Variants in HPSE2 observed in about 807,000 individuals in gnomAD.
HPSE2 encodes the protein inactive heparanase-2.
Under a neutral mutation model 60.5 loss-of-function variants are expected in HPSE2, and 38 were observed. The ratio of observed to expected loss-of-function variants is 0.63; its 90% CI spans 0.48 to 0.82. The LOEUF is 0.82. Ranked by LOEUF, HPSE2 falls within the 40% of genes least tolerant of loss-of-function variation. The pLI is 0.00. For synonymous variants in HPSE2, 295 were observed against 293.2 expected (o/e 1.01, Z -0.06); for missense variants, 713 against 740.4 (o/e 0.96, Z 0.43).
intron 7 of HPSE2, among the ~76,000 whole-genome samples, chr10:98,633,372 G>C (rs932310638): frequency 7.9e-5 from 12 of 151,746 alleles, no homozygotes; most frequent in Non-Finnish European, 1.8e-4. Context: ...GCTAATGTTT[G>C]TTTTCTTTTT....
intron 3 of HPSE2, among the ~76,000 whole-genome samples, chr10:98,802,409 T>C (rs1950933132): frequency 6.6e-6 from 1 of 151,274 alleles, no homozygotes; most frequent in South Asian, 2.1e-4. Flanking sequence ...CATGCTGGTG[T>C]GCTGCACCCA....
intron 2 of HPSE2, among the ~76,000 whole-genome samples, chr10:99,172,024 C>CT (rs2133804678): frequency 6.6e-6 from 1 of 152,198 alleles, no homozygotes; most frequent in East Asian, 1.9e-4. Context: ...GGTATCATAA[C>CT]TTTTTATAAT....
intron 10 of HPSE2, among the ~76,000 whole-genome samples, chr10:98,485,396 C>T (rs193241839): frequency 6.6e-6 from 1 of 152,234 alleles, no homozygotes; most frequent in East Asian, 1.9e-4. Context: ...CTTTTGGATG[C>T]CTGCATTTGT....
chr10:99,246,793 C>A, the HPSE2 span, among the ~76,000 whole-genome samples: 3 of 152,054 alleles, frequency 2.0e-5, no homozygotes, highest in African/African-American at 4.8e-5. Context: ...TTACTTGATA[C>A]ATATGTAATT....
At chr10:99,109,807 A>T (rs1348359177) in intron 3 of HPSE2, among the ~76,000 whole-genome samples, 3 of 152,194 alleles carry the variant, frequency 2.0e-5, no homozygotes, top group African/African-American at 7.2e-5. Context: ...GAGTTATCAC[A>T]GATAACAATT....
At chr10:99,046,795 T>C (rs1957865712) in intron 3 of HPSE2, among the ~76,000 whole-genome samples, 1 of 151,810 alleles carries the variant, frequency 6.6e-6, no homozygotes, top group Admixed American at 6.6e-5. Flanking sequence ...TCCACAAGGA[T>C]AACTACAAAA....
intron 4 of HPSE2, 50 bp from the exon 5 acceptor site, chr10:98,721,878 C>G (rs764479544): frequency 2.3e-5 from 33 of 1,454,146 alleles, no homozygotes; most frequent in Non-Finnish European, 3.1e-5. Context: ...TAAGGTTCTG[C>G]CAACACTTTC....
intron 3 of HPSE2, among the ~76,000 whole-genome samples, chr10:99,069,138 CT>C (rs1842706442): frequency 6.6e-6 from 1 of 152,162 alleles, no homozygotes; most frequent in Non-Finnish European, 1.5e-5. Flanking sequence ...CCTGCGAGTA[CT>C]TCTAAACCCA....
rs1951785418 is a variant in HPSE2 at position 98,836,153 on chromosome 10, AG to A, written c.611-92098del. On this transcript the variant is annotated intron_variant, in intron 3 of 11. Coordinates refer to ENST00000370552, the MANE Select transcript of HPSE2 (RefSeq NM_021828.5). ...TTTATTCAGCCTTTCCTACAAATAA[AG>A]CTCACTCCCTCTGCTTAGCTCTGCA... is the stretch of plus-strand genomic sequence containing the variant. 2.6e-5 allele frequency among the ~76,000 whole-genome samples: 4 copies of A among 152,156 alleles called. No individual in the cohort carries two copies. The South Asian group carries it at 6.2e-4, about 24-fold the overall frequency.
intron 3 of HPSE2, among the ~76,000 whole-genome samples, chr10:98,900,789 T>G (rs1224793438): frequency 2.0e-5 from 3 of 152,180 alleles, no homozygotes; most frequent in African/African-American, 7.2e-5. Context: ...GTACCATCAC[T>G]TTGCAAACAC....
At chr10:98,934,387 T>C (rs1451723195) in intron 3 of HPSE2, among the ~76,000 whole-genome samples, 2 of 144,722 alleles carry the variant, frequency 1.4e-5, no homozygotes, top group African/African-American at 5.6e-5. Context: ...TCTGTGTACT[T>C]CAGTGTGTTT....
the HPSE2 span, among the ~76,000 whole-genome samples, chr10:99,314,407 C>T: frequency 1.3e-5 from 2 of 152,206 alleles, no homozygotes; most frequent in Non-Finnish European, 2.9e-5. Flanking sequence ...AAGCGATCCT[C>T]CCACCTCAGC....
At chr10:98,842,541 TAA>T (rs200946689) in intron 3 of HPSE2, among the ~76,000 whole-genome samples, 33 of 135,296 alleles carry the variant, frequency 2.4e-4, no homozygotes, top group East Asian at 1.7e-3. Context: ...TAAGTGTCTT[TAA>T]AAAAAAAAAA....
At chr10:99,248,522 A>C in the HPSE2 span, among the ~76,000 whole-genome samples, 1 of 152,192 alleles carries the variant, frequency 6.6e-6, no homozygotes, top group African/African-American at 2.4e-5. Context: ...ATGATGTAAA[A>C]CTGGAACTTA....
At chr10:99,311,150 A>G in the HPSE2 span, among the ~76,000 whole-genome samples, 1 of 152,242 alleles carries the variant, frequency 6.6e-6, no homozygotes, top group Non-Finnish European at 1.5e-5. Context: ...TATTTAAAAA[A>G]TAAAAAAGTC....
chr10:99,264,500 T>C, the HPSE2 span, among the ~76,000 whole-genome samples: 1 of 152,180 alleles, frequency 6.6e-6, no homozygotes, highest in Non-Finnish European at 1.5e-5. Context: ...AGGGGGACTC[T>C]ATATTTTTAA....
chr10:99,068,404 A>G (rs2135540970), intron 3 of HPSE2, among the ~76,000 whole-genome samples: 1 of 152,346 alleles, frequency 6.6e-6, no homozygotes, highest in East Asian at 1.9e-4. Flanking sequence ...ATCATGGCAG[A>G]AGGCAAATGA....
intron 2 of HPSE2, among the ~76,000 whole-genome samples, chr10:99,199,215 T>C (rs562709938): frequency 6.6e-6 from 1 of 152,154 alleles, no homozygotes; most frequent in Non-Finnish European, 1.5e-5. Context: ...TTCTGGATCA[T>C]AAAGTATCTT....
intron 2 of HPSE2, among the ~76,000 whole-genome samples, chr10:99,212,384 A>G (rs1848981572): frequency 1.3e-5 from 2 of 152,160 alleles, no homozygotes; most frequent in Admixed American, 1.3e-4. Flanking sequence ...CATTATTCAC[A>G]ATAGTCAAGA....
Sources: allele counts gnomAD v4.1 joint callset (sites outside exome capture counted in the v4.1 genomes callset), GRCh38; gene constraint gnomAD v4.1.1; transcripts MANE v1.5; gene names NCBI Gene and HGNC (gene_info 2026-07-23, HGNC 2026-07-21).